Variants in AARS1 observed in about 807,000 individuals in gnomAD.
The protein encoded by AARS1 is alanine--tRNA ligase, cytoplasmic.
AARS1 carries 72 observed loss-of-function variants against 108.9 expected under a neutral mutation model. The observed-to-expected ratio is 0.66, with a 90% CI of 0.55 to 0.80. AARS1 has a LOEUF of 0.80. Among genes scored for constraint, AARS1 ranks in the 30% least tolerant of loss-of-function variants. The pLI is 0.00. For synonymous variants in AARS1, 489 were observed against 465.7 expected, an observed-to-expected ratio of 1.05 and a Z score of -0.64; for missense variants, 1,193 against 1,233.2, an observed-to-expected ratio of 0.97 and a Z score of 0.49.
chr16:70,267,491 T>C (rs1960290091), intron 9 of AARS1, among the ~76,000 whole-genome samples, 168 bp downstream of exon 9: 1 of 152,342 alleles, frequency 6.6e-6, no homozygotes, highest in Middle Eastern at 3.4e-3. Flanking sequence ...CAATGATGCA[T>C]TACTTTTACC....
rs1567601605 is a variant in AARS1, at chr16:70,255,193, C to CTTTTTTTTTTTTTTT, written c.2287-460_2287-459insAAAAAAAAAAAAAAA. On this transcript the variant is annotated intron_variant, in intron 16 of 20. Transcript: ENST00000261772. ...AGGAGGGGGTAGATGGCCAGATTCA[C>CTTTTTTTTTTTTTTT]ATTTTTTTTTTTTTTTTTTTTTTGG... Among the ~76,000 whole-genome samples the CTTTTTTTTTTTTTTT allele has an allele frequency of 1.6e-5, 2 of 124,732 alleles. 1 individual carries two copies. Among genetic ancestry groups the CTTTTTTTTTTTTTTT allele is most frequent in the African/African-American group, 6.4e-5 (2 of 31,426 alleles). 81.8% of individuals were successfully genotyped at this position (124,732 alleles called of 152,430 possible).
chr16:70,264,179 G>C (rs1157959490), intron 11 of AARS1, among the ~76,000 whole-genome samples: 1 of 151,060 alleles, frequency 6.6e-6, no homozygotes, highest in East Asian at 2.1e-4. Context: ...CCAGGAGGTG[G>C]AGGTTGCAGT....
rs1445907353 is a variant in AARS1, at chr16:70,269,704, G to A, written c.876C>T (p.Asp292=). 6.2e-7 allele frequency: 1 copy of A among 1,614,166 alleles called. No individual in the cohort carries two copies. The highest frequency in any genetic ancestry group is 1.7e-5 in the Admixed American group (1 of 59,996). The stretch of plus-strand genomic sequence containing the variant: ...GGTCAGCCAGCACCCGGTAGGCCAT[G>A]TCAATCCCATCGGCATCCTCAGCAC... The part of the protein sequence containing the change: ...KVGAEDADGI[D]MAYRVLADHA... The change falls in exon 7 of 21, where the codon GAC becomes GAT. Residue 292 remains aspartate (D), a synonymous_variant. Transcript: ENST00000261772.
In AARS1 at chr16:70,261,370, T is replaced by C. The variant is rs141517678; in HGVS notation, c.1672-213A>G. ...CAGCACTTTGGGAGGCTCAGGTGAG[T>C]AGATCACCTGAGGCCAGGAGTTCGA... On this transcript the variant is annotated intron_variant, in intron 12 of 20. Coordinates refer to ENST00000261772, the MANE Select transcript of AARS1 (RefSeq NM_001605.3). 56 of 414,016 alleles carry C rather than the reference T, an allele frequency of 1.4e-4. 1 individual carries two copies. The highest frequency in any genetic ancestry group is 1.0e-3 in the African/African-American group (51 of 48,698). The allele number at this position is 414,016 out of a possible 1,614,324, so 25.6% of individuals were successfully genotyped here.
At chr16:70,284,701 G>T (rs566934112) in intron 1 of AARS1, among the ~76,000 whole-genome samples, 8 of 152,296 alleles carry the variant, frequency 5.3e-5, no homozygotes, top group African/African-American at 1.9e-4. Context: ...GCTGATCACT[G>T]GCATGGTGCT....
intron 1 of AARS1, among the ~76,000 whole-genome samples, chr16:70,288,408 C>A (rs1960921126): frequency 6.6e-6 from 1 of 151,332 alleles, no homozygotes. Flanking sequence ...CGCGCCCGGC[C>A]GCCTTCCCCT....
At chr16:70,269,467 G>T in intron 7 of AARS1, 151 bp downstream of exon 7, 1 of 1,129,026 alleles carries the variant, frequency 8.9e-7, no homozygotes, top group South Asian at 1.4e-5. Context: ...CCAGCAGGCA[G>T]AGGTTGCAGT....
At chr16:70,261,968 C>T (rs566194273) in intron 12 of AARS1, among the ~76,000 whole-genome samples, 31 of 152,134 alleles carry the variant, frequency 2.0e-4, no homozygotes, top group African/African-American at 6.7e-4. Flanking sequence ...CACACCCAGC[C>T]GCATCTTTGA....
At chr16:70,275,629 G>T (rs952998442) in intron 4 of AARS1, among the ~76,000 whole-genome samples, 1 of 151,774 alleles carries the variant, frequency 6.6e-6, no homozygotes, top group Non-Finnish European at 1.5e-5. Context: ...CGGGCGTGGT[G>T]GTGGGCGCCT....
chr16:70,276,622 A>T lies in AARS1; in HGVS notation c.343T>A (p.Cys115Ser). The change falls in exon 4 of 21, where the codon TGT becomes AGT. Residue 115 changes from cysteine (C) to serine (S), a missense_variant. Cys to Ser is a moderately radical substitution (Grantham distance 112). Coordinates refer to ENST00000261772, the MANE Select transcript of AARS1 (RefSeq NM_001605.3). The stretch of plus-strand genomic sequence containing the variant: ...GTGAGGAGTTCCAGAGCCATCTTAC[A>T]TGCCAATTCCTACAAAAAGAACAGA... ...SFGDYFKELA[C>S]KMALELLTQE... 6.2e-7 allele frequency: 1 copy of T among 1,614,038 alleles called. No individual in the cohort carries two copies. The highest frequency in any genetic ancestry group is 1.1e-5 in the South Asian group (1 of 91,090).
chr16:70,271,259 T>G (rs1353297251), intron 5 of AARS1, among the ~76,000 whole-genome samples: 4 of 152,006 alleles, frequency 2.6e-5, no homozygotes, highest in Non-Finnish European at 5.9e-5. Context: ...TCTGGCACGG[T>G]GGCTCACACC....
chr16:70,253,832 G>A, intron 18 of AARS1, 32 bp from the exon 19 acceptor site: 1 of 1,614,226 alleles, frequency 6.2e-7, no homozygotes, highest in South Asian at 1.1e-5. Context: ...CAGCAGCTCA[G>A]ACCAAAAGCC....
chr16:70,258,003 C>A (rs1217050472), intron 15 of AARS1, 30 bp downstream of exon 15: 1 of 1,612,736 alleles, frequency 6.2e-7, no homozygotes, highest in Admixed American at 1.7e-5. Flanking sequence ...GGTAGATGAC[C>A]TGTCTACTCT....
At chr16:70,281,361 C>G (rs1960691084) in intron 2 of AARS1, among the ~76,000 whole-genome samples, 1 of 152,104 alleles carries the variant, frequency 6.6e-6, no homozygotes, top group African/African-American at 2.4e-5. Flanking sequence ...ACCCCCATCT[C>G]TGCATATAAA....
chr16:70,267,019 G>A (rs1310042031), intron 9 of AARS1, among the ~76,000 whole-genome samples: 4 of 151,942 alleles, frequency 2.6e-5, no homozygotes, highest in Non-Finnish European at 5.9e-5. Context: ...TGTATTTTTA[G>A]TAGAGACGGG....
chr16:70,271,112 T>C (rs1363179700), intron 5 of AARS1, among the ~76,000 whole-genome samples: 2 of 150,938 alleles, frequency 1.3e-5, no homozygotes, highest in African/African-American at 4.9e-5. Context: ...CAGGCAAAGG[T>C]TGCAGTGGGC....
intron 11 of AARS1, among the ~76,000 whole-genome samples, chr16:70,264,441 C>T (rs1960215779): frequency 1.3e-5 from 2 of 151,798 alleles, no homozygotes; most frequent in Admixed American, 6.6e-5. Context: ...CTCAGCCTCC[C>T]GAGTAGCTGG....
chr16:70,260,207 C>G (rs1382852509), intron 13 of AARS1, among the ~76,000 whole-genome samples: 4 of 152,140 alleles, frequency 2.6e-5, no homozygotes, highest in African/African-American at 9.7e-5. Context: ...ATTTAGTATC[C>G]AGTTATTTAC....
chr16:70,268,452 C>G (rs1469078532), intron 7 of AARS1, 73 bp from the exon 8 acceptor site: 2 of 1,225,042 alleles, frequency 1.6e-6, no homozygotes, highest in African/African-American at 3.0e-5. Flanking sequence ...GAATCCTACC[C>G]AAAGCAACAC....
Sources: gnomAD v4.1 joint callset for allele counts (sites outside exome capture counted in the v4.1 genomes callset) on GRCh38, gnomAD v4.1.1 for gene constraint, MANE v1.5 for transcripts, NCBI Gene and HGNC (gene_info 2026-07-23, HGNC 2026-07-21) for gene names.